The following GPR39 variants were observed in gnomAD, a reference collection of about 807,000 sequenced individuals.
GPR39 encodes zinc sensing receptor.
GPR39 carries 23 observed loss-of-function variants against 18.4 expected under a neutral mutation model. The ratio of observed to expected loss-of-function variants is 1.25; its 90% CI spans 0.90 to 1.77. GPR39 has a LOEUF of 1.77. GPR39 is among the 40% of genes most tolerant of loss of function. The pLI is 0.00. For missense variants in GPR39, 647 were observed against 602.4 expected (o/e 1.07, Z -0.78); for synonymous variants, 280 against 257.9 (o/e 1.09, Z -0.82).
chr2:132,598,078 TG>T (rs1434490902), intron 1 of GPR39, among the ~76,000 whole-genome samples: 2 of 152,246 alleles, frequency 1.3e-5, no homozygotes. Flanking sequence ...AATGCAGGGC[TG>T]GCTTCTCAAA....
At chr2:132,440,034 A>G (rs1680405265) in intron 1 of GPR39, among the ~76,000 whole-genome samples, 1 of 152,102 alleles carries the variant, frequency 6.6e-6, no homozygotes, top group Non-Finnish European at 1.5e-5. Flanking sequence ...TTCCCATCCT[A>G]CTTTGTATCT....
chr2:132,530,133 G>T (rs1403152221), intron 1 of GPR39, among the ~76,000 whole-genome samples: 5 of 152,044 alleles, frequency 3.3e-5, no homozygotes, highest in African/African-American at 4.8e-5. Flanking sequence ...TGGCTAACTA[G>T]AATAACCAAT....
Position 132,590,687 on chromosome 2 carries a change from A to G in GPR39, c.857-54414A>G, listed in dbSNP as rs186526088. Among the ~76,000 whole-genome samples, 5 of 150,822 alleles carry G rather than the reference A, an allele frequency of 3.3e-5. No homozygotes were observed. The East Asian group carries it at 7.8e-4, about 23-fold the overall frequency. On this transcript the variant is annotated intron_variant, in intron 1 of 1. Coordinates refer to ENST00000329321, the MANE Select transcript of GPR39 (RefSeq NM_001508.3). ...AGCCTAAGCACTGTTCCTCATCCTT[A>G]CTGTCAGCATGATGAGTTTGGGTCT...
At chr2:132,470,269 GTGC>G (rs1471044610) in intron 1 of GPR39, among the ~76,000 whole-genome samples, 1 of 152,214 alleles carries the variant, frequency 6.6e-6, no homozygotes, top group Non-Finnish European at 1.5e-5. Flanking sequence ...AGGGATGGGA[GTGC>G]TATGGAGGGA....
At chr2:132,546,222 G>A (rs1040722119) in intron 1 of GPR39, among the ~76,000 whole-genome samples, 36 of 152,016 alleles carry the variant, frequency 2.4e-4, no homozygotes, top group African/African-American at 8.7e-4. Context: ...ACAGATTACG[G>A]GTCCCCACTC....
intron 1 of GPR39, among the ~76,000 whole-genome samples, chr2:132,583,506 T>G (rs1408123950): frequency 6.6e-6 from 1 of 151,988 alleles, no homozygotes; most frequent in Non-Finnish European, 1.5e-5. Context: ...AATTCAGAAG[T>G]GCTGAGTGCT....
At chr2:132,512,838 A>AT (rs1450171143) in intron 1 of GPR39, among the ~76,000 whole-genome samples, 6 of 152,148 alleles carry the variant, frequency 3.9e-5, no homozygotes, top group Non-Finnish European at 7.4e-5. Context: ...AGTATTTCTT[A>AT]TTTTTTATCC....
chr2:132,463,795 GTC>G (rs1195583969), intron 1 of GPR39, among the ~76,000 whole-genome samples: 1 of 152,208 alleles, frequency 6.6e-6, no homozygotes, highest in African/African-American at 2.4e-5. Flanking sequence ...GACAGTTAAT[GTC>G]TCTGCTGGTT....
Position 132,521,283 on chromosome 2 carries a change from GA to G in GPR39, c.856+103387del, listed in dbSNP as rs1225115402. ...TGCCCCAACAAACTTGAAGTTCTGT[GA>G]ATAGCGAAAGAACAAATAGATACTG... On this transcript the variant is annotated intron_variant, in intron 1 of 1. Coordinates refer to ENST00000329321, the MANE Select transcript of GPR39 (RefSeq NM_001508.3). Among the ~76,000 whole-genome samples the G allele has an allele frequency of 9.8e-5, 15 of 152,342 alleles. No homozygotes were observed. The East Asian group carries it at 2.7e-3, about 27-fold the overall frequency.
intron 1 of GPR39, among the ~76,000 whole-genome samples, chr2:132,458,610 A>G (rs1680778455): frequency 2.0e-5 from 3 of 150,782 alleles, no homozygotes; most frequent in South Asian, 4.2e-4. Context: ...ATTACTTTTC[A>G]TATTTCTTTG....
intron 1 of GPR39, among the ~76,000 whole-genome samples, chr2:132,560,480 A>G (rs1680232052): frequency 6.6e-6 from 1 of 152,026 alleles, no homozygotes; most frequent in Non-Finnish European, 1.5e-5. Context: ...CCTTCGTCTC[A>G]TCTGTTCTAT....
chr2:132,560,790 G>A (rs1680237358), intron 1 of GPR39, among the ~76,000 whole-genome samples: 2 of 152,166 alleles, frequency 1.3e-5, no homozygotes, highest in Admixed American at 1.3e-4. Flanking sequence ...CCAAGCCTGG[G>A]AAGTGAGCCA....
chr2:132,449,857 A>C (rs1680602642), intron 1 of GPR39, among the ~76,000 whole-genome samples: 1 of 152,042 alleles, frequency 6.6e-6, no homozygotes, highest in African/African-American at 2.4e-5. Flanking sequence ...AAGGGGTCTC[A>C]CTTCTCTCCC....
chr2:132,436,732 TGTG>T, intron 1 of GPR39, among the ~76,000 whole-genome samples: 1 of 152,238 alleles, frequency 6.6e-6, no homozygotes, highest in South Asian at 2.1e-4. Context: ...CTTGCCGACT[TGTG>T]GGGACAGAAG....
Position 132,417,703 on chromosome 2 carries a change from C to T in GPR39, c.661C>T (p.Gln221Ter). 2 of 1,614,208 alleles carry T rather than the reference C, an allele frequency of 1.2e-6. No individual in the cohort carries two copies. The highest frequency in any genetic ancestry group is 1.7e-6 in the Non-Finnish European group (2 of 1,180,034). The stretch of plus-strand genomic sequence containing the variant: ...CCTCTCCAGCCGCTGGACCGTGTTC[C>T]AGTCCAGCATCTTCGGCGCCTTCGT... ...TNLSSRWTVF[Q>*]SSIFGAFVVY... Residue 221 changes from glutamine to a stop codon, truncating the protein, a stop_gained, in exon 1 of 2, where the codon CAG (glutamine) becomes TAG (stop). Coordinates refer to ENST00000329321, the MANE Select transcript of GPR39 (RefSeq NM_001508.3). LOFTEE classifies it high-confidence loss of function.
intron 1 of GPR39, among the ~76,000 whole-genome samples, chr2:132,458,557 G>C (rs1224969961): frequency 1.3e-5 from 2 of 149,446 alleles, no homozygotes; most frequent in African/African-American, 4.9e-5. Context: ...TTTTGTATCT[G>C]CTCCATGGCA....
chr2:132,613,098 G>A (rs1681264128), intron 1 of GPR39, among the ~76,000 whole-genome samples: 1 of 152,048 alleles, frequency 6.6e-6, no homozygotes, highest in Admixed American at 6.6e-5. Context: ...TTGTGTTCAG[G>A]GACTTTGCTA....
At chr2:132,542,164 G>T (rs935142890) in intron 1 of GPR39, among the ~76,000 whole-genome samples, 1 of 152,126 alleles carries the variant, frequency 6.6e-6, no homozygotes, top group African/African-American at 2.4e-5. Flanking sequence ...ATAGCAGGTG[G>T]ACAGGAAGAT....
intron 1 of GPR39, among the ~76,000 whole-genome samples, chr2:132,588,414 G>A (rs1680769189): frequency 6.6e-6 from 1 of 152,158 alleles, no homozygotes; most frequent in Non-Finnish European, 1.5e-5. Context: ...TCATTTCTGT[G>A]GGTTAAGGCA....
Sources: allele counts gnomAD v4.1 joint callset (sites outside exome capture counted in the v4.1 genomes callset), GRCh38; gene constraint gnomAD v4.1.1; transcripts MANE v1.5; gene names NCBI Gene and HGNC (gene_info 2026-07-23, HGNC 2026-07-21).